Variants in DGKB observed in about 807,000 individuals in gnomAD.
DGKB encodes 90 kDa diacylglycerol kinase.
DGKB carries 67 observed loss-of-function variants against 114.3 expected under a neutral mutation model. The ratio of observed to expected loss-of-function variants is 0.59; its 90% CI spans 0.48 to 0.72. The LOEUF is 0.72. Ranked by LOEUF, DGKB falls within the 30% of genes least tolerant of loss-of-function variation. The pLI, the probability that DGKB is intolerant of heterozygous loss-of-function variation, is 0.00. For missense variants in DGKB, 907 were observed against 975.2 expected (o/e 0.93, Z 0.93); for synonymous variants, 398 against 323.1 (o/e 1.23, Z -2.49).
At chr7:14,967,416 G>A (rs566937166) in intron 1 of DGKB, among the ~76,000 whole-genome samples, 35 of 152,006 alleles carry the variant, frequency 2.3e-4, no homozygotes, top group African/African-American at 7.5e-4. Flanking sequence ...TGCCTCCTGA[G>A]TTCAAGCAAT....
chr7:14,638,288 A>G (rs997264978), intron 13 of DGKB, among the ~76,000 whole-genome samples: 1 of 152,172 alleles, frequency 6.6e-6, no homozygotes, highest in Non-Finnish European at 1.5e-5. Flanking sequence ...GAAACTAAAT[A>G]CAATGCTACT....
intron 13 of DGKB, among the ~76,000 whole-genome samples, chr7:14,659,792 G>C (rs1008262345): frequency 1.9e-4 from 28 of 150,738 alleles, no homozygotes; most frequent in Admixed American, 4.0e-4. Context: ...GGTGAGAGAG[G>C]GCATCCCTGT....
chr7:14,444,560 G>A (rs1830486757), intron 21 of DGKB, among the ~76,000 whole-genome samples: 1 of 151,740 alleles, frequency 6.6e-6, no homozygotes, highest in African/African-American at 2.4e-5. Flanking sequence ...TAGAATATTT[G>A]GATAGTAAAT....
chr7:14,245,318 A>T (rs1012720525), intron 23 of DGKB, among the ~76,000 whole-genome samples: 1 of 152,236 alleles, frequency 6.6e-6, no homozygotes, highest in Non-Finnish European at 1.5e-5. Flanking sequence ...ATATCAGGTA[A>T]GGATGATGTA....
chr7:14,578,060 G>C (rs1799422025), intron 19 of DGKB, among the ~76,000 whole-genome samples: 1 of 152,132 alleles, frequency 6.6e-6, no homozygotes, highest in Non-Finnish European at 1.5e-5. Context: ...AGATCATGAG[G>C]GTTGTTTCCT....
intron 20 of DGKB, among the ~76,000 whole-genome samples, chr7:14,554,939 T>A: frequency 6.6e-6 from 1 of 152,262 alleles, no homozygotes; most frequent in East Asian, 1.9e-4. Context: ...TTAATGAGTT[T>A]TAATATATAT....
At chr7:14,929,372 C>A (rs979317981) in intron 1 of DGKB, among the ~76,000 whole-genome samples, 2 of 152,044 alleles carry the variant, frequency 1.3e-5, no homozygotes, top group African/African-American at 4.8e-5. Flanking sequence ...GTTCCATTAT[C>A]TCCGCATCCT....
chr7:14,827,504 G>C (rs1845860420), intron 2 of DGKB, among the ~76,000 whole-genome samples: 1 of 152,048 alleles, frequency 6.6e-6, no homozygotes, highest in Admixed American at 6.6e-5. Flanking sequence ...CAGTGGACTT[G>C]ATGGAAGAAA....
At chr7:14,950,185 A>G (rs1429779420) in intron 1 of DGKB, among the ~76,000 whole-genome samples, 1 of 152,036 alleles carries the variant, frequency 6.6e-6, no homozygotes, top group Non-Finnish European at 1.5e-5. Flanking sequence ...GAATCTTGAA[A>G]GCAGATAGAA....
At chr7:14,435,914 C>A (rs1273657822) in intron 21 of DGKB, among the ~76,000 whole-genome samples, 1 of 152,144 alleles carries the variant, frequency 6.6e-6, no homozygotes, top group East Asian at 1.9e-4. Flanking sequence ...AATATTCTTT[C>A]CTGGATGTCT....
At position 14,889,869 on chromosome 7, in the gene DGKB, G is replaced by A. The variant is rs1780912841; in HGVS notation, c.-188+12723C>T. 2.0e-5 allele frequency among the ~76,000 whole-genome samples: 3 copies of A among 151,658 alleles called. No homozygotes were observed. The South Asian group carries it at 6.2e-4, about 31-fold the overall frequency. On this transcript the variant is annotated intron_variant, in intron 1 of 25. Transcript: ENST00000402815. ...TTTTTAACCCAGACCTGTCAAGGAA[G>A]TATTTCTGCAAAGTCAAAATAAGTT... is the stretch of plus-strand genomic sequence containing the variant.
Position 14,149,213 on chromosome 7 carries a change from G to T in DGKB, c.2330C>A (p.Ala777Asp), listed in dbSNP as rs767095417. The T allele has an allele frequency of 6.2e-7, 1 of 1,613,200 alleles. No homozygotes were observed. Among genetic ancestry groups the T allele is most frequent in the South Asian group, 1.1e-5 (1 of 91,052 alleles). Residue 777 changes from alanine (A) to aspartate (D), a missense_variant, in exon 26 of 26, where the codon GCC becomes GAC. Ala to Asp is a moderately radical substitution (Grantham distance 126, BLOSUM62 -2). Coordinates refer to ENST00000402815, the MANE Select transcript of DGKB (RefSeq NM_001350709.2). Reference sequence around the variant, plus strand: ...TGGAGGCGGGCCCATCAGCATTGGGGCTTGGTTCTTGTGTGTAATTTTTAT... The same window carrying T: ...TGGAGGCGGGCCCATCAGCATTGGGTCTTGGTTCTTGTGTGTAATTTTTAT... The part of the protein sequence containing the change: ...CTIKITHKNQ[A>D]PMLMGPPPKT...
chr7:14,869,970 C>T (rs1852218597), intron 1 of DGKB, among the ~76,000 whole-genome samples: 1 of 152,004 alleles, frequency 6.6e-6, no homozygotes, highest in Admixed American at 6.6e-5. Context: ...CTGACTTCTC[C>T]AACCTCTCTA....
chr7:14,757,318 C>T (rs374026014), intron 3 of DGKB, among the ~76,000 whole-genome samples: 4 of 152,016 alleles, frequency 2.6e-5, no homozygotes, highest in Admixed American at 1.3e-4. Context: ...AAAGAACCAA[C>T]GCTACACTTA....
At chr7:14,922,939 G>A (rs1784579616) in intron 1 of DGKB, among the ~76,000 whole-genome samples, 1 of 152,102 alleles carries the variant, frequency 6.6e-6, no homozygotes, top group Admixed American at 6.6e-5. Context: ...GCAGTCAATA[G>A]AGCACTAAAA....
At chr7:14,878,755 C>CAAAAAAAAAAAAA (rs5882472) in intron 1 of DGKB, among the ~76,000 whole-genome samples, 3 of 113,194 alleles carry the variant, frequency 2.7e-5, no homozygotes, top group East Asian at 2.6e-4. Context: ...TCTCAAAAAA[C>CAAAAAAAAAAAAA]AAAAAAAAAA....
chr7:14,886,398 C>A (rs1776590872), intron 1 of DGKB, among the ~76,000 whole-genome samples: 1 of 151,546 alleles, frequency 6.6e-6, no homozygotes. Flanking sequence ...GCTCAAAAGT[C>A]CTTCATATTC....
At chr7:14,461,642 C>T (rs1290618738) in intron 21 of DGKB, among the ~76,000 whole-genome samples, 1 of 152,020 alleles carries the variant, frequency 6.6e-6, no homozygotes, top group African/African-American at 2.4e-5. Context: ...AAGCCTAGGA[C>T]CAGACAGATT....
chr7:14,313,332 G>A (rs538692251), intron 23 of DGKB, among the ~76,000 whole-genome samples: 19 of 152,154 alleles, frequency 1.2e-4, no homozygotes, highest in East Asian at 7.8e-4. Flanking sequence ...CGCAGAAGAC[G>A]GGTGATTTCT....
Sources: gnomAD v4.1 joint callset for allele counts (sites outside exome capture counted in the v4.1 genomes callset) on GRCh38, gnomAD v4.1.1 for gene constraint, MANE v1.5 for transcripts, NCBI Gene and HGNC (gene_info 2026-07-23, HGNC 2026-07-21) for gene names.